The following SRGAP3 variants were observed in gnomAD, a reference collection of about 807,000 sequenced individuals.
SRGAP3 encodes SLIT-ROBO Rho GTPase activating protein 3, also known as SLIT-ROBO Rho GTPase-activating protein 3.
SRGAP3 carries 39 observed loss-of-function variants against 121.1 expected under a neutral mutation model. The ratio of observed to expected loss-of-function variants is 0.32; its 90% CI spans 0.25 to 0.42. The LOEUF is 0.42. SRGAP3 is among the 10% of genes least tolerant of loss of function. The pLI is 1.00. For synonymous variants in SRGAP3, 601 were observed against 570.0 expected (o/e 1.05, Z -0.77); for missense variants, 1,213 against 1,470.6 (o/e 0.82, Z 2.86).
At chr3:9,299,217 T>C (rs1185253495) in intron 3 of SRGAP3, among the ~76,000 whole-genome samples, 1 of 151,070 alleles carries the variant, frequency 6.6e-6, no homozygotes, top group Non-Finnish European at 1.5e-5. Flanking sequence ...AAAAATTAGC[T>C]GGGCATGCTG....
chr3:8,990,864 G>C (rs1305513038), intron 20 of SRGAP3, 25 bp from the exon 21 acceptor site: 3 of 1,486,370 alleles, frequency 2.0e-6, no homozygotes, highest in South Asian at 2.8e-5. Flanking sequence ...GGGGGCGAGG[G>C]GCATGGGGCA....
chr3:9,110,997 A>G (rs1462900728), intron 2 of SRGAP3, among the ~76,000 whole-genome samples: 2 of 152,240 alleles, frequency 1.3e-5, no homozygotes, highest in East Asian at 3.8e-4. Context: ...CTGGCCACTC[A>G]CACCATGGAG....
chr3:9,322,326 G>A (rs1206950946), intron 3 of SRGAP3, among the ~76,000 whole-genome samples: 1 of 151,856 alleles, frequency 6.6e-6, no homozygotes, highest in East Asian at 1.9e-4. Flanking sequence ...AGTGCGTTAA[G>A]TGGCAGCACA....
intron 3 of SRGAP3, among the ~76,000 whole-genome samples, chr3:9,311,233 G>C (rs1955239138): frequency 6.6e-6 from 1 of 151,856 alleles, no homozygotes; most frequent in Non-Finnish European, 1.5e-5. Flanking sequence ...TGAATTTCCA[G>C]ATGGTTAATA....
intron 3 of SRGAP3, chr3:9,293,106 A>T (rs953460179): frequency 1.3e-5 from 2 of 151,990 alleles, no homozygotes; most frequent in Non-Finnish European, 2.9e-5. Context: ...TCACAATTGC[A>T]TCCAGGGGAG....
rs552444848 is a variant in SRGAP3 at position 9,273,539 on chromosome 3, CA to C, written n.442+52470del. Among the ~76,000 whole-genome samples the C allele has an allele frequency of 1.1e-4, 17 of 152,300 alleles. 1 individual carries two copies. The South Asian group carries it at 2.9e-3, about 26-fold the overall frequency. On this transcript the variant is annotated intron_variant and non_coding_transcript_variant, in intron 3 of 3. Coordinates refer to the SRGAP3 transcript ENST00000490889. ...AGATTTGCAAATATCTTCCCCACTC[CA>C]TGATTGCCTTTTCACTCTGATTATG... is the stretch of plus-strand genomic sequence containing the variant.
intron 3 of SRGAP3, among the ~76,000 whole-genome samples, chr3:9,270,578 AACTC>A (rs912639248): frequency 1.3e-5 from 2 of 152,208 alleles, no homozygotes; most frequent in African/African-American, 4.8e-5. Flanking sequence ...CATTTAAAAA[AACTC>A]ACTGTGATCA....
intron 1 of SRGAP3, among the ~76,000 whole-genome samples, chr3:9,149,487 G>A (rs377671161): frequency 6.6e-6 from 1 of 152,162 alleles, no homozygotes; most frequent in African/African-American, 2.4e-5. Flanking sequence ...GCAAAATCTA[G>A]TTCCCCACTC....
intron 6 of SRGAP3, chr3:9,059,280 G>A (rs73148023): frequency 0.023 from 3,515 of 152,350 alleles, 146 homozygotes; most frequent in African/African-American, 0.081. Context: ...TCAAGTTCCA[G>A]ACAACAGCAG....
chr3:9,344,808 G>T (rs575711026), intron 1 of SRGAP3, among the ~76,000 whole-genome samples: 1 of 151,976 alleles, frequency 6.6e-6, no homozygotes, highest in African/African-American at 2.4e-5. Context: ...AGGCCTAGGC[G>T]GGTGGATCAC....
At chr3:9,144,209 G>C (rs766046114) in intron 1 of SRGAP3, among the ~76,000 whole-genome samples, 25 of 152,340 alleles carry the variant, frequency 1.6e-4, no homozygotes, top group Non-Finnish European at 3.4e-4. Flanking sequence ...ACCTTAATGT[G>C]CTTTTAGGAT....
intron 1 of SRGAP3, among the ~76,000 whole-genome samples, chr3:9,237,784 T>C (rs1169770047): frequency 6.6e-6 from 1 of 151,638 alleles, no homozygotes; most frequent in Non-Finnish European, 1.5e-5. Context: ...CTAAGTGCAG[T>C]TGAGGGGCTT....
At chr3:9,348,693 G>T in intron 1 of SRGAP3, 1 of 1,146,352 alleles carries the variant, frequency 8.7e-7, no homozygotes. Flanking sequence ...AGTGAGGATT[G>T]GTGCCTCAAT....
chr3:9,059,791 A>G, intron 6 of SRGAP3: 1 of 278,752 alleles, frequency 3.6e-6, no homozygotes, highest in Non-Finnish European at 7.1e-6. Flanking sequence ...CTCATTCGCT[A>G]CTTTCTTTCG....
chr3:9,001,891 A>C (rs1279599887), intron 18 of SRGAP3, among the ~76,000 whole-genome samples: 1 of 152,210 alleles, frequency 6.6e-6, no homozygotes, highest in African/African-American at 2.4e-5. Flanking sequence ...TGTACCTAAT[A>C]AAAGAGCAGC....
chr3:9,154,788 C>T (rs549760318), intron 1 of SRGAP3, among the ~76,000 whole-genome samples: 2 of 152,060 alleles, frequency 1.3e-5, no homozygotes, highest in Non-Finnish European at 2.9e-5. Context: ...CTTGAAAAAA[C>T]CAGTGATCTA....
intron 11 of SRGAP3, chr3:9,033,761 ATTATAC>A (rs1944613400): frequency 6.6e-6 from 1 of 152,204 alleles, no homozygotes; most frequent in African/African-American, 2.4e-5. Flanking sequence ...CAAATCCATT[ATTATAC>A]TTAATACCAT....
At chr3:9,284,135 TA>T (rs201755024) in intron 3 of SRGAP3, among the ~76,000 whole-genome samples, 19,462 of 144,304 alleles carry the variant, frequency 0.13, 1,597 homozygotes, top group Non-Finnish European at 0.18. Flanking sequence ...TGGTGTTTAA[TA>T]AAAAAAAAAA....
At chr3:9,268,233 G>C (rs2125259240) in intron 3 of SRGAP3, among the ~76,000 whole-genome samples, 1 of 152,202 alleles carries the variant, frequency 6.6e-6, no homozygotes, top group African/African-American at 2.4e-5. Flanking sequence ...GGTTAGATGA[G>C]GTCATGAGGT....
Sources: allele counts gnomAD v4.1 joint callset (sites outside exome capture counted in the v4.1 genomes callset), GRCh38; gene constraint gnomAD v4.1.1; transcripts MANE v1.5; gene names NCBI Gene and HGNC (gene_info 2026-07-23, HGNC 2026-07-21).